Variants in MALRD1 observed in about 807,000 individuals in gnomAD.
The protein encoded by MALRD1 is MAM and LDL receptor class A domain containing 1.
In MALRD1, 247 loss-of-function variants were observed where a neutral mutation model predicts 242.1. That is an observed-to-expected ratio of 1.02 (90% CI 0.92 to 1.13). The LOEUF is 1.13. MALRD1 is among the 50% of genes most tolerant of loss of function. MALRD1 has a pLI of 0.00. For missense variants in MALRD1, 2,989 were observed against 2,533.1 expected (o/e 1.18, Z -3.86); for synonymous variants, 995 against 866.6 (o/e 1.15, Z -2.60).
At chr10:19,065,634 T>C (rs1440360206) in intron 1 of MALRD1, among the ~76,000 whole-genome samples, 2 of 152,140 alleles carry the variant, frequency 1.3e-5, no homozygotes, top group African/African-American at 4.8e-5. Context: ...GGAGGGACCA[T>C]TTGTGGTTGA....
chr10:19,102,159 A>G (rs1002695359), intron 4 of MALRD1, among the ~76,000 whole-genome samples: 49 of 147,432 alleles, frequency 3.3e-4, no homozygotes, highest in Admixed American at 9.6e-4. Context: ...TATATGATAT[A>G]AAAATATATT....
chr10:19,287,394 C>T (rs142183198), intron 21 of MALRD1, among the ~76,000 whole-genome samples: 6 of 152,176 alleles, frequency 3.9e-5, no homozygotes, highest in Non-Finnish European at 8.8e-5. Context: ...ATTTCTCTCC[C>T]TCCCATCGTT....
chr10:19,724,007 A>G lies in MALRD1; in HGVS notation c.6315-6699A>G, dbSNP rs149647687. 2.7e-3 allele frequency among the ~76,000 whole-genome samples: 405 copies of G among 152,320 alleles called. 2 individuals are homozygous for G. The highest frequency in any genetic ancestry group is 9.5e-3 in the African/African-American group (394 of 41,570). On this transcript the variant is annotated intron_variant, in intron 38 of 39. Coordinates refer to ENST00000454679, the MANE Select transcript of MALRD1 (RefSeq NM_001142308.3). The stretch of plus-strand genomic sequence containing the variant: ...CAGGAGTTCAAGGCTGCAGTGAGCT[A>G]TGATCACACCACTGTATACAAGCCT...
chr10:19,399,503 T>C (rs957165154), intron 28 of MALRD1, among the ~76,000 whole-genome samples: 15 of 152,196 alleles, frequency 9.9e-5, no homozygotes, highest in African/African-American at 2.9e-4. Flanking sequence ...AGTGGGCTGA[T>C]TGTTCTAACT....
intron 2 of MALRD1, among the ~76,000 whole-genome samples, chr10:19,079,907 G>A (rs894433714): frequency 6.6e-6 from 1 of 151,988 alleles, no homozygotes; most frequent in Non-Finnish European, 1.5e-5. Context: ...AAGCTGATAA[G>A]CAACTTCAGC....
intron 36 of MALRD1, among the ~76,000 whole-genome samples, chr10:19,670,497 C>T (rs1176650540): frequency 6.6e-6 from 1 of 152,192 alleles, no homozygotes; most frequent in Non-Finnish European, 1.5e-5. Context: ...GAATTATCAA[C>T]AAGCAGATTC....
chr10:19,414,411 G>A (rs1379302427), intron 28 of MALRD1, among the ~76,000 whole-genome samples: 2 of 152,146 alleles, frequency 1.3e-5, no homozygotes, highest in Non-Finnish European at 2.9e-5. Context: ...GGAAAGAGAG[G>A]CATAAAGATC....
intron 31 of MALRD1, among the ~76,000 whole-genome samples, chr10:19,526,003 G>A (rs181372556): frequency 2.0e-4 from 31 of 152,172 alleles, no homozygotes; most frequent in Non-Finnish European, 3.5e-4. Flanking sequence ...TAAATAAAGC[G>A]AGTTGGTTTA....
intron 1 of MALRD1, chr10:19,052,085 C>T (rs1263922213): frequency 6.9e-6 from 3 of 434,858 alleles, no homozygotes; most frequent in South Asian, 5.5e-5. Context: ...ATTCAAGAGC[C>T]ATGTCAGGGC....
intron 36 of MALRD1, among the ~76,000 whole-genome samples, chr10:19,683,123 C>T (rs1335883941): frequency 3.5e-5 from 5 of 143,682 alleles, no homozygotes; most frequent in Admixed American, 2.1e-4. Flanking sequence ...GGGGAAACCC[C>T]ATCTCTACCG....
At chr10:19,474,620 T>C (rs934868219) in intron 29 of MALRD1, among the ~76,000 whole-genome samples, 2 of 152,028 alleles carry the variant, frequency 1.3e-5, no homozygotes, top group African/African-American at 4.8e-5. Flanking sequence ...TAATAACATC[T>C]GCTAATATTA....
At chr10:19,284,110 G>C (rs906128713) in intron 21 of MALRD1, among the ~76,000 whole-genome samples, 1 of 152,200 alleles carries the variant, frequency 6.6e-6, no homozygotes, top group African/African-American at 2.4e-5. Context: ...GGTGGGATAA[G>C]AAGAGCAGAC....
chr10:19,242,837 T>C (rs960320863), intron 18 of MALRD1, among the ~76,000 whole-genome samples: 6 of 152,098 alleles, frequency 3.9e-5, no homozygotes, highest in Admixed American at 3.9e-4. Context: ...GTAAGTATCA[T>C]GTAGGCAGCA....
At chr10:19,202,237 T>C (rs1317451890) in intron 14 of MALRD1, among the ~76,000 whole-genome samples, 1 of 152,154 alleles carries the variant, frequency 6.6e-6, no homozygotes, top group Admixed American at 6.5e-5. Context: ...TTAAAGTATT[T>C]ATTTTTAGAT....
chr10:19,416,361 C>G (rs1361987083), intron 28 of MALRD1, among the ~76,000 whole-genome samples: 11 of 152,054 alleles, frequency 7.2e-5, no homozygotes, highest in South Asian at 4.1e-4. Flanking sequence ...AAGGGACTAC[C>G]GAAGAGCACC....
At position 19,200,035 on chromosome 10, in the gene MALRD1, G is replaced by A. The variant is rs566524265; in HGVS notation, c.1952-3693G>A. On this transcript the variant is annotated intron_variant, in intron 14 of 39. Coordinates refer to ENST00000454679, the MANE Select transcript of MALRD1 (RefSeq NM_001142308.3). ...TCCCAGCTACTCAGGAGGCTGAGTC[G>A]GAGAACGGCCTGAGCCTGGGAGGTT... 1.5e-4 allele frequency among the ~76,000 whole-genome samples: 23 copies of A among 152,184 alleles called. No homozygotes were observed. The South Asian group carries it at 2.3e-3, about 15-fold the overall frequency.
At chr10:19,716,912 AAAAAC>A (rs1223041113) in intron 38 of MALRD1, 5 of 152,214 alleles carry the variant, frequency 3.3e-5, no homozygotes, top group Non-Finnish European at 7.3e-5. Context: ...CAAAAAAACA[AAAAAC>A]AAAACAAAAA....
chr10:19,390,301 A>G (rs1846284089), intron 28 of MALRD1, among the ~76,000 whole-genome samples: 2 of 152,218 alleles, frequency 1.3e-5, no homozygotes, highest in African/African-American at 4.8e-5. Context: ...TAAGGGAAGT[A>G]ATAATAGACA....
chr10:19,556,231 C>T (rs531668476), intron 32 of MALRD1, among the ~76,000 whole-genome samples: 1 of 152,250 alleles, frequency 6.6e-6, no homozygotes, highest in South Asian at 2.1e-4. Flanking sequence ...TTTCATCCAT[C>T]ATTAACATCT....
Sources: allele counts gnomAD v4.1 joint callset (sites outside exome capture counted in the v4.1 genomes callset), GRCh38; gene constraint gnomAD v4.1.1; transcripts MANE v1.5; gene names NCBI Gene and HGNC (gene_info 2026-07-23, HGNC 2026-07-21).